Variants in FGF13 observed in about 807,000 individuals in gnomAD.
FGF13 encodes fibroblast growth factor homologous factor 2.
In FGF13, 2 loss-of-function variants were observed where a neutral mutation model predicts 19.5. The ratio of observed to expected loss-of-function variants is 0.10; its 90% CI spans 0.04 to 0.32. The LOEUF is 0.32. Among genes scored for constraint, FGF13 ranks in the 10% least tolerant of loss-of-function variants. FGF13 has a pLI of 1.00. For synonymous variants in FGF13, 72 were observed against 76.9 expected (o/e 0.94, Z 0.33); for missense variants, 113 against 192.7 (o/e 0.59, Z 2.45).
At chrX:139,085,768 C>A (rs755541666) in intron 1 of FGF13, among the ~76,000 whole-genome samples, 10 of 112,172 alleles carry the variant, frequency 8.9e-5, no homozygotes, top group South Asian at 3.7e-4. Context: ...CATCTACATA[C>A]AATAGACTAC....
In FGF13 at chrX:139,132,706, A is replaced by G. The variant is rs1391667579; in HGVS notation, c.-113+70710T>C. On this transcript the variant is annotated intron_variant, in intron 1 of 2. Transcript: ENST00000421460. ...TTAAGATTCTAATCTTGACTATGGG[A>G]ATTCTTCCAAAGGAAAATGAAATGC... 2.7e-5 allele frequency among the ~76,000 whole-genome samples: 3 copies of G among 112,454 alleles called. No homozygotes were observed. In the East Asian group the frequency reaches 8.3e-4, roughly 31 times the overall value.
chrX:139,027,880 C>T (rs999974822), intron 1 of FGF13, among the ~76,000 whole-genome samples: 3 of 107,188 alleles, frequency 2.8e-5, no homozygotes, highest in South Asian at 4.2e-4. Context: ...CCAGCCATTT[C>T]GTCTCAAATT....
At chrX:139,000,570 T>C (rs1298470191) in intron 1 of FGF13, among the ~76,000 whole-genome samples, 1 of 111,119 alleles carries the variant, frequency 9.0e-6, no homozygotes, top group Non-Finnish European at 1.9e-5. Context: ...AAATCACCAG[T>C]GAACTCCAAT....
chrX:138,779,996 TG>T (rs1306672216), intron 3 of FGF13, among the ~76,000 whole-genome samples: 11 of 97,991 alleles, frequency 1.1e-4, no homozygotes, highest in Admixed American at 4.4e-4. Context: ...CAGAAGAGAG[TG>T]GGGGCCAATA....
At chrX:138,905,639 T>C (rs2091553559) in intron 1 of FGF13, among the ~76,000 whole-genome samples, 1 of 111,545 alleles carries the variant, frequency 9.0e-6, no homozygotes, top group Non-Finnish European at 1.9e-5. Context: ...GAGAAGGGAG[T>C]ACAAACAAAT....
intron 3 of FGF13, among the ~76,000 whole-genome samples, chrX:138,809,993 A>C (rs910011756): frequency 5.4e-5 from 6 of 111,945 alleles, no homozygotes; most frequent in Non-Finnish European, 1.1e-4. Flanking sequence ...AGGAAGAATC[A>C]ATATTGTGAA....
intron 3 of FGF13, among the ~76,000 whole-genome samples, chrX:138,654,409 C>T (rs971416634): frequency 3.6e-5 from 4 of 111,957 alleles, no homozygotes; most frequent in African/African-American, 1.3e-4. Context: ...AGCATCAAAT[C>T]TGCTTCAAGG....
At chrX:138,756,105 A>G (rs190792896) in intron 3 of FGF13, among the ~76,000 whole-genome samples, 2 of 112,455 alleles carry the variant, frequency 1.8e-5, no homozygotes, top group African/African-American at 6.4e-5. Flanking sequence ...CCAAACCTTG[A>G]ACTTGGACTT....
intron 1 of FGF13, among the ~76,000 whole-genome samples, chrX:139,185,721 G>A (rs1168091529): frequency 9.0e-6 from 1 of 111,376 alleles, no homozygotes; most frequent in Admixed American, 9.6e-5. Flanking sequence ...TTAGAGGAAA[G>A]GTCTATTATA....
chrX:138,833,184 C>T (rs1434750600), intron 3 of FGF13, among the ~76,000 whole-genome samples: 2 of 111,502 alleles, frequency 1.8e-5, no homozygotes, highest in Non-Finnish European at 3.8e-5. Context: ...AAAATAGTTT[C>T]TAGTTCTATA....
chrX:139,002,152 G>A (rs780928475), intron 1 of FGF13, among the ~76,000 whole-genome samples: 1 of 110,345 alleles, frequency 9.1e-6, no homozygotes, highest in Non-Finnish European at 1.9e-5. Context: ...AGAACACATG[G>A]ACACAGGGAG....
Position 138,809,029 on chromosome X carries a change from G to T in FGF13, c.217+48483C>A, listed in dbSNP as rs192113025. 2.0e-3 allele frequency among the ~76,000 whole-genome samples: 226 copies of T among 111,751 alleles called. 1 individual carries two copies. The highest frequency in any genetic ancestry group is 4.6e-3 in the Middle Eastern group (1 of 216). ...TCTACCAGAGTTACAAGGAGGAGCTGGTACCATTCCTTCTGACACTATTCC... is the reference window on the plus strand; with the variant it reads ...TCTACCAGAGTTACAAGGAGGAGCTTGTACCATTCCTTCTGACACTATTCC... On this transcript the variant is annotated intron_variant, in intron 3 of 6. Coordinates refer to the FGF13 transcript ENST00000436198.
intron 1 of FGF13, among the ~76,000 whole-genome samples, chrX:138,952,245 G>A: frequency 9.0e-6 from 1 of 111,153 alleles, no homozygotes; most frequent in Middle Eastern, 4.7e-3. Context: ...CACCAACGGA[G>A]CAGAACAGAG....
intron 1 of FGF13, among the ~76,000 whole-genome samples, chrX:138,921,971 CAA>C (rs35464038): frequency 0.03 from 2,010 of 67,498 alleles, 69 homozygotes; most frequent in African/African-American, 0.098. Context: ...TTATGGAACT[CAA>C]AAAAAAAAAA....
intron 1 of FGF13, among the ~76,000 whole-genome samples, chrX:139,158,996 C>T (rs2084004324): frequency 9.0e-6 from 1 of 111,357 alleles, no homozygotes; most frequent in Admixed American, 9.5e-5. Flanking sequence ...AGATACTCCT[C>T]GAGAAGAGCA....
At chrX:138,785,612 C>A (rs1253900277) in intron 3 of FGF13, among the ~76,000 whole-genome samples, 1 of 111,856 alleles carries the variant, frequency 8.9e-6, no homozygotes, top group Non-Finnish European at 1.9e-5. Flanking sequence ...TTAAAAAAAT[C>A]TGTTCTTCTC....
rs376357607 is a variant in FGF13, at chrX:138,635,461, C to T, written c.597G>A (p.Leu199=). 5.0e-6 allele frequency: 6 copies of T among 1,208,139 alleles called. No homozygotes were observed. Among genetic ancestry groups the T allele is most frequent in the Non-Finnish European group, 6.7e-6 (6 of 892,287 alleles). ...KPAAHFLPKP[L]KVAMYKEPSL... ...TTCCCACAATATCAAATGTACCTTTCAGTGGTTTAGGCAGAAAATGAGCTG... is the reference window on the plus strand; with the variant it reads ...TTCCCACAATATCAAATGTACCTTTTAGTGGTTTAGGCAGAAAATGAGCTG... Residue 199 remains leucine (L), a synonymous_variant, in exon 4 of 5, where the codon CTG becomes CTA. Coordinates refer to ENST00000315930, the MANE Select transcript of FGF13 (RefSeq NM_004114.5).
At chrX:138,749,346 C>G in intron 3 of FGF13, among the ~76,000 whole-genome samples, 1 of 108,806 alleles carries the variant, frequency 9.2e-6, no homozygotes, top group East Asian at 2.9e-4. Context: ...CACACACACA[C>G]ACACACACAC....
intron 3 of FGF13, among the ~76,000 whole-genome samples, chrX:138,645,606 C>A (rs142730421): frequency 0.017 from 1,960 of 112,161 alleles, 43 homozygotes; most frequent in East Asian, 0.08. Context: ...ACTACCAGAT[C>A]TCTTCCCTTC....
Sources: allele counts gnomAD v4.1 joint callset (sites outside exome capture counted in the v4.1 genomes callset), GRCh38; gene constraint gnomAD v4.1.1; transcripts MANE v1.5; gene names NCBI Gene and HGNC (gene_info 2026-07-23, HGNC 2026-07-21).